The following LRRC75A variants were observed in gnomAD, a reference collection of about 807,000 sequenced individuals.
The protein encoded by LRRC75A is leucine rich repeat containing 75A.
In LRRC75A, 12 loss-of-function variants were observed where a neutral mutation model predicts 26.0. That is an observed-to-expected ratio of 0.46 (90% confidence interval 0.30 to 0.75). The LOEUF (loss-of-function observed/expected upper bound fraction) is 0.75. Ranked by LOEUF, LRRC75A falls within the 30% of genes least tolerant of loss-of-function variation. The probability of loss-of-function intolerance (pLI) is 0.08; values close to 1 mark genes in which losing one functional copy is unlikely to be tolerated. For synonymous variants in LRRC75A, 223 were observed against 219.3 expected (o/e 1.02, Z -0.15); for missense variants, 410 against 486.6 (o/e 0.84, Z 1.48).
Position 16,444,060 on chromosome 17 carries a change from CG to C in LRRC75A, c.562del (p.Arg188GlufsTer6). The C allele has an allele frequency of 1.2e-6, 2 of 1,613,080 alleles. No individual in the cohort carries two copies. Among genetic ancestry groups the C allele is most frequent in the African/African-American group, 1.3e-5 (1 of 75,044 alleles). On this transcript the variant is annotated frameshift_variant, in exon 4 of 4. Coordinates refer to ENST00000470794, the MANE Select transcript of LRRC75A (RefSeq NM_001113567.3). LOFTEE classifies it high-confidence loss of function. ...GTAGCTGGTCACCCGCTCCAGGTCT[CG>C]GGAGGTCAGTGGGATTCCCGACAGG... ...VDLSGIPLTS[R>X]DLERVTSYLQ...
intron 2 of LRRC75A, among the ~76,000 whole-genome samples, chr17:16,449,316 C>T (rs746329125): frequency 2.6e-5 from 4 of 152,198 alleles, no homozygotes; most frequent in Non-Finnish European, 5.9e-5. Flanking sequence ...GGGGCCAAAC[C>T]GTGGGGATTC....
rs2093858803 is a variant in LRRC75A at position 16,492,065 on chromosome 17, G to A, written c.-75C>T. 2.8e-6 allele frequency: 3 copies of A among 1,061,796 alleles called. No homozygotes were observed. The highest frequency in any genetic ancestry group is 3.4e-6 in the Non-Finnish European group (3 of 881,208). 65.8% of individuals were successfully genotyped at this position (1,061,796 alleles called of 1,614,324 possible). ...CCCGCCAACCGCCCGCCCCTCGGCCGCCCGTGCGCGCTCGCCTCCCGGGCT... is the reference window on the plus strand; with the variant it reads ...CCCGCCAACCGCCCGCCCCTCGGCCACCCGTGCGCGCTCGCCTCCCGGGCT... On this transcript the variant is annotated 5_prime_UTR_variant, in exon 1 of 4. Transcript: ENST00000470794.
chr17:16,481,220 T>C (rs979602026), intron 1 of LRRC75A, among the ~76,000 whole-genome samples: 4 of 152,074 alleles, frequency 2.6e-5, no homozygotes, highest in African/African-American at 9.7e-5. Flanking sequence ...GAACACAATG[T>C]GCAAGGCAGC....
intron 2 of LRRC75A, among the ~76,000 whole-genome samples, chr17:16,451,514 C>T (rs1021220501): frequency 1.3e-5 from 2 of 151,386 alleles, no homozygotes; most frequent in African/African-American, 2.4e-5. Flanking sequence ...CCAGCTGCTC[C>T]GGAGTGCTGA....
intron 1 of LRRC75A, among the ~76,000 whole-genome samples, chr17:16,485,916 G>A (rs1241216397): frequency 6.6e-6 from 1 of 152,144 alleles, no homozygotes; most frequent in Non-Finnish European, 1.5e-5. Flanking sequence ...GAGTGGGGAT[G>A]CAGGGAGGAA....
rs1353998830 is a variant in LRRC75A, at chr17:16,480,045, C to T, written c.246+11700G>A. On this transcript the variant is annotated intron_variant, in intron 1 of 3. Transcript: ENST00000470794. ...GGAGCACAAACCCTATTGTAACCTG[C>T]ACACGTGAGGGATCTAGGTTGCACA... Among the ~76,000 whole-genome samples the T allele has an allele frequency of 2.0e-5, 3 of 152,190 alleles. No individual in the cohort carries two copies. The East Asian group carries it at 5.8e-4, about 29-fold the overall frequency.
At chr17:16,447,593 T>C (rs1233004126) in intron 3 of LRRC75A, among the ~76,000 whole-genome samples, 5 of 152,130 alleles carry the variant, frequency 3.3e-5, no homozygotes, top group Non-Finnish European at 7.4e-5. Flanking sequence ...CCAAACACTG[T>C]GCTTATCTGG....
intron 1 of LRRC75A, among the ~76,000 whole-genome samples, chr17:16,484,141 T>C (rs2093840859): frequency 2.6e-5 from 4 of 152,020 alleles, no homozygotes; most frequent in South Asian, 2.1e-4. Flanking sequence ...ATCGAGACCA[T>C]CCTGGCCAAC....
chr17:16,447,499 C>G (rs1335330700), intron 3 of LRRC75A, among the ~76,000 whole-genome samples: 2 of 152,132 alleles, frequency 1.3e-5, no homozygotes, highest in Admixed American at 1.3e-4. Flanking sequence ...GGTTTCGCCA[C>G]ATTGGTCAGG....
At chr17:16,451,571 G>A (rs1425540144) in intron 2 of LRRC75A, among the ~76,000 whole-genome samples, 5 of 150,226 alleles carry the variant, frequency 3.3e-5, no homozygotes, top group East Asian at 2.0e-4. Context: ...ACAGTGAGCC[G>A]AGATCGCACC....
At position 16,462,505 on chromosome 17, in the gene LRRC75A, G is replaced by C. The variant is rs2093735748; in HGVS notation, c.247-119C>G. 2.2e-6 allele frequency: 3 copies of C among 1,361,122 alleles called. No individual in the cohort carries two copies. The highest frequency in any genetic ancestry group is 3.0e-6 in the Non-Finnish European group (3 of 1,006,000). The allele number at this position is 1,361,122 out of a possible 1,614,324, so 84.3% of individuals were successfully genotyped here. ...GACTCTGCCTCCCAGAGCCCCGGTG[G>C]GGAGCATCTGCAGAACTTCCCTCAG... is the stretch of plus-strand genomic sequence containing the variant. On this transcript the variant is annotated intron_variant, in intron 1 of 3. Transcript: ENST00000470794. The surrounding 1 kb of genome is among the most constrained non-coding windows in gnomAD (Gnocchi z 4.6).
At chr17:16,465,838 T>C (rs750248633) in intron 1 of LRRC75A, among the ~76,000 whole-genome samples, 1 of 152,076 alleles carries the variant, frequency 6.6e-6, no homozygotes, top group African/African-American at 2.4e-5. Context: ...GGTTGTTGCT[T>C]AGGAGGGGAA....
At position 16,443,638 on chromosome 17, in the gene LRRC75A, C is replaced by G. The variant is rs1363685107; in HGVS notation, c.985G>C (p.Ala329Pro). The change falls in exon 4 of 4, where the codon GCC becomes CCC. Residue 329 changes from alanine to proline, a missense_variant. Physicochemically the swap from Ala to Pro is conservative, Grantham distance 27. Transcript: ENST00000470794. The stretch of plus-strand genomic sequence containing the variant: ...TCCTTGCCCTCATGGTGGTCTTCGG[C>G]AGGTGCCACAGGGCCCCCTCCAGGG... ...EDPGGGPVAP[A>P]EDHHEGKETV... The G allele has an allele frequency of 4.5e-6, 7 of 1,553,106 alleles. No individual in the cohort carries two copies. Among genetic ancestry groups the G allele is most frequent in the Non-Finnish European group, 5.2e-6 (6 of 1,147,214 alleles).
Position 16,442,898 on chromosome 17 carries a change from TG to T in LRRC75A, c.*689del, listed in dbSNP as rs1244409227. 1 of 152,268 alleles carries T rather than the reference TG, an allele frequency of 6.6e-6. No homozygotes were observed. The highest frequency in any genetic ancestry group is 2.4e-5 in the African/African-American group (1 of 41,464). 9.4% of individuals were successfully genotyped at this position (152,268 alleles called of 1,614,324 possible). A position where few individuals can be genotyped will look rare whatever the true frequency, so the allele number is the denominator to read the frequency against. The stretch of plus-strand genomic sequence containing the variant: ...GGATTTCTGAACAGGACTTTATGCC[TG>T]TATGCATGGGCACCATGTCTGTCCT... On this transcript the variant is annotated 3_prime_UTR_variant, in exon 4 of 4. Coordinates refer to ENST00000470794, the MANE Select transcript of LRRC75A (RefSeq NM_001113567.3).
chr17:16,486,197 AC>A (rs914135660), intron 1 of LRRC75A, among the ~76,000 whole-genome samples: 1 of 152,194 alleles, frequency 6.6e-6, no homozygotes, highest in African/African-American at 2.4e-5. Flanking sequence ...GGGAGGGTGC[AC>A]CCACCCTGAC....
At chr17:16,468,556 G>T (rs1271206212) in intron 1 of LRRC75A, among the ~76,000 whole-genome samples, 1 of 152,168 alleles carries the variant, frequency 6.6e-6, no homozygotes, top group Non-Finnish European at 1.5e-5. Context: ...ACCAGGGGCT[G>T]GGGGGAAGGG....
At position 16,459,084 on chromosome 17, in the gene LRRC75A, C is replaced by T. The variant is rs916321157; in HGVS notation, c.375+3174G>A. On this transcript the variant is annotated intron_variant, in intron 2 of 3. Coordinates refer to ENST00000470794, the MANE Select transcript of LRRC75A (RefSeq NM_001113567.3). The stretch of plus-strand genomic sequence containing the variant: ...CCCCTGTTGACTTCCTTTATCCTGT[C>T]CTCAACCCTTTACTAAACTCTCTTC... Among the ~76,000 whole-genome samples, 112 of 152,308 alleles carry T rather than the reference C, an allele frequency of 7.4e-4. 1 individual carries two copies. Among genetic ancestry groups the T allele is most frequent in the Non-Finnish European group, 4.4e-5 (3 of 68,026 alleles).
At chr17:16,445,267 G>C (rs772148006) in intron 3 of LRRC75A, among the ~76,000 whole-genome samples, 3 of 145,858 alleles carry the variant, frequency 2.1e-5, no homozygotes, top group Non-Finnish European at 1.5e-5. Context: ...CTGGGTTCAA[G>C]CGATTCTCCT....
At chr17:16,464,333 T>C (rs1180443879) in intron 1 of LRRC75A, among the ~76,000 whole-genome samples, 2 of 152,184 alleles carry the variant, frequency 1.3e-5, no homozygotes, top group African/African-American at 4.8e-5. Flanking sequence ...CACCCCCTTG[T>C]AGAAGCAGGT....
Sources: allele counts gnomAD v4.1 joint callset (sites outside exome capture counted in the v4.1 genomes callset), GRCh38; gene constraint gnomAD v4.1.1; non-coding constraint Gnocchi (gnomAD v3.1); transcripts MANE v1.5; gene names NCBI Gene and HGNC (gene_info 2026-07-23, HGNC 2026-07-21).